Variants in VAT1L observed in about 807,000 individuals in gnomAD.
VAT1L encodes the protein vesicle amine transport 1 like.
Under a neutral mutation model 44.1 loss-of-function variants are expected in VAT1L, and 34 were observed. The ratio of observed to expected loss-of-function variants is 0.77; its 90% CI spans 0.59 to 1.03. The LOEUF (loss-of-function observed/expected upper bound fraction) is 1.03, where lower values mean the gene tolerates loss of function less well. Among genes scored for constraint, VAT1L ranks in the 50% least tolerant of loss-of-function variants. The pLI is 0.00. For synonymous variants in VAT1L, 253 were observed against 202.2 expected (o/e 1.25, Z -2.13); for missense variants, 615 against 538.8 (o/e 1.14, Z -1.40).
chr16:77,830,401 T>C (rs1301679156), intron 3 of VAT1L, among the ~76,000 whole-genome samples: 1 of 152,174 alleles, frequency 6.6e-6, no homozygotes, highest in Non-Finnish European at 1.5e-5. Context: ...TATTTGTCTA[T>C]GGTTTGATAT....
intron 5 of VAT1L, among the ~76,000 whole-genome samples, chr16:77,876,877 T>C (rs1301908304): frequency 6.6e-6 from 1 of 152,108 alleles, no homozygotes; most frequent in African/African-American, 2.4e-5. Context: ...TAAGGGAGGA[T>C]CTTTACTATT....
At chr16:77,833,790 G>T (rs77364831) in intron 3 of VAT1L, among the ~76,000 whole-genome samples, 1 of 151,714 alleles carries the variant, frequency 6.6e-6, no homozygotes, top group African/African-American at 2.4e-5. Flanking sequence ...ATGAAAGTGG[G>T]AATAGGCTTT....
chr16:77,843,034 C>A (rs2016722057), intron 3 of VAT1L, among the ~76,000 whole-genome samples: 1 of 152,166 alleles, frequency 6.6e-6, no homozygotes, highest in African/African-American at 2.4e-5. Context: ...GAAATAAAGC[C>A]AGTCACCCAA....
At position 77,879,855 on chromosome 16, in the gene VAT1L, G is replaced by C. The variant is rs1374000041; in HGVS notation, c.882+631G>C. Reference sequence around the variant, plus strand: ...ATTAGTGCATTTTCTTTGCTCCATAGAGCGGCCAGCCTTTCACTTTGCTAC... The same window carrying C: ...ATTAGTGCATTTTCTTTGCTCCATACAGCGGCCAGCCTTTCACTTTGCTAC... On this transcript the variant is annotated intron_variant, in intron 6 of 8. Coordinates refer to ENST00000302536, the MANE Select transcript of VAT1L (RefSeq NM_020927.3). The surrounding 1 kb of genome is among the most constrained non-coding windows in gnomAD (Gnocchi z 4.1). 6.6e-6 allele frequency among the ~76,000 whole-genome samples: 1 copy of C among 152,162 alleles called. No individual in the cohort carries two copies. Among genetic ancestry groups the C allele is most frequent in the Non-Finnish European group, 1.5e-5 (1 of 68,016 alleles).
intron 7 of VAT1L, among the ~76,000 whole-genome samples, chr16:77,921,180 T>C (rs991410527): frequency 2.0e-5 from 3 of 152,318 alleles, no homozygotes; most frequent in Non-Finnish European, 4.4e-5. Context: ...AATAGCATCA[T>C]GGGGCTGGGC....
At chr16:77,963,584 G>T (rs1202192648) in intron 7 of VAT1L, among the ~76,000 whole-genome samples, 1 of 151,892 alleles carries the variant, frequency 6.6e-6, no homozygotes, top group East Asian at 1.9e-4. Context: ...GTAATAATAG[G>T]AAACTGATAC....
intron 7 of VAT1L, among the ~76,000 whole-genome samples, chr16:77,954,945 C>T (rs1022501243): frequency 1.3e-5 from 2 of 152,224 alleles, no homozygotes; most frequent in Non-Finnish European, 1.5e-5. Context: ...AGGAAACACA[C>T]GTGATTTTAA....
chr16:77,911,325 G>A (rs530806124), intron 7 of VAT1L, among the ~76,000 whole-genome samples: 1 of 152,270 alleles, frequency 6.6e-6, no homozygotes, highest in South Asian at 2.1e-4. Flanking sequence ...TTAATTACTT[G>A]ATCATTTTCC....
At chr16:77,958,841 C>A (rs1015746003) in intron 7 of VAT1L, among the ~76,000 whole-genome samples, 2 of 152,200 alleles carry the variant, frequency 1.3e-5, no homozygotes, top group South Asian at 4.1e-4. Context: ...AACATTCTGT[C>A]TCTTGTAAGC....
chr16:77,951,318 G>A (rs1006753047), intron 7 of VAT1L, among the ~76,000 whole-genome samples: 2 of 152,190 alleles, frequency 1.3e-5, no homozygotes, highest in South Asian at 2.1e-4. Flanking sequence ...GGTGGAGGCC[G>A]GCAGACCACT....
intron 1 of VAT1L, among the ~76,000 whole-genome samples, chr16:77,791,466 C>T (rs553973081): frequency 2.2e-4 from 33 of 152,016 alleles, no homozygotes; most frequent in South Asian, 2.1e-3. Context: ...TTCATTAATG[C>T]GCCAGTGAGA....
rs922284644 is a variant in VAT1L, at chr16:77,817,148, G to A, written c.363+98G>A. On this transcript the variant is annotated intron_variant, in intron 2 of 8. Transcript: ENST00000302536. ...AGAAATGTCTGAAATAACCTATGGC[G>A]TGCATTATTATCATTGTCTTCTTAT... is the stretch of plus-strand genomic sequence containing the variant. The A allele has an allele frequency of 4.1e-5, 61 of 1,484,778 alleles. 2 individuals are homozygous for A. In the East Asian group the frequency reaches 8.0e-4, roughly 19 times the overall value. The allele number at this position is 1,484,778 out of a possible 1,614,324, so 92.0% of individuals were successfully genotyped here. A position where few individuals can be genotyped will look rare whatever the true frequency, so the allele number is the denominator to read the frequency against.
chr16:77,947,085 G>T (rs1400827684), intron 7 of VAT1L, among the ~76,000 whole-genome samples: 1 of 152,214 alleles, frequency 6.6e-6, no homozygotes, highest in East Asian at 1.9e-4. Flanking sequence ...AAGTGGGAAG[G>T]ACACAGGAAA....
At chr16:77,924,917 A>G (rs1205581105) in intron 7 of VAT1L, among the ~76,000 whole-genome samples, 7 of 152,182 alleles carry the variant, frequency 4.6e-5, no homozygotes, top group Admixed American at 4.6e-4. Context: ...TTTTCATTTT[A>G]CTAAAGGATT....
At chr16:77,908,767 A>T (rs1334626170) in intron 7 of VAT1L, among the ~76,000 whole-genome samples, 1 of 152,030 alleles carries the variant, frequency 6.6e-6, no homozygotes, top group African/African-American at 2.4e-5. Context: ...ACAAAAAATT[A>T]GCCGGACGTG....
In VAT1L at chr16:77,977,746, C is replaced by A. The variant is rs769425319; in HGVS notation, c.*51C>A. On this transcript the variant is annotated 3_prime_UTR_variant, in exon 9 of 9. Coordinates refer to ENST00000302536, the MANE Select transcript of VAT1L (RefSeq NM_020927.3). ...AAGGATGGTTTGGAAGATGAGGACC[C>A]GGCTGAGAAAACTCTTCTGTGCCCC... 1 of 1,561,784 alleles carries A rather than the reference C, an allele frequency of 6.4e-7. No individual in the cohort carries two copies. The highest frequency in any genetic ancestry group is 2.3e-5 in the East Asian group (1 of 43,840).
intron 7 of VAT1L, 60 bp from the exon 8 acceptor site, chr16:77,971,790 C>A (rs2142544990): frequency 6.4e-7 from 1 of 1,561,822 alleles, no homozygotes; most frequent in South Asian, 1.2e-5. Context: ...TCCAGGCCCC[C>A]TTTTTAACTG....
At chr16:77,907,459 C>G (rs1234524529) in intron 7 of VAT1L, among the ~76,000 whole-genome samples, 3 of 152,266 alleles carry the variant, frequency 2.0e-5, no homozygotes, top group African/African-American at 4.8e-5. Flanking sequence ...AATATCCAGG[C>G]AGAACCTCTC....
intron 7 of VAT1L, among the ~76,000 whole-genome samples, chr16:77,902,012 C>G (rs899721880): frequency 2.0e-5 from 3 of 152,214 alleles, no homozygotes; most frequent in Non-Finnish European, 4.4e-5. Flanking sequence ...ATTTTCCTAA[C>G]TCTGATTTAT....
Sources: gnomAD v4.1 joint callset for allele counts (sites outside exome capture counted in the v4.1 genomes callset) on GRCh38, gnomAD v4.1.1 for gene constraint, Gnocchi (gnomAD v3.1) non-coding constraint, MANE v1.5 for transcripts, NCBI Gene and HGNC (gene_info 2026-07-23, HGNC 2026-07-21) for gene names.